The following KMT2E variants were observed in gnomAD, a reference collection of about 807,000 sequenced individuals.
KMT2E encodes the protein histone reader KMT2E.
KMT2E carries 30 observed loss-of-function variants against 184.6 expected under a neutral mutation model. That is an observed-to-expected ratio of 0.16 (90% CI 0.12 to 0.22). The LOEUF is 0.22. Ranked by LOEUF, KMT2E falls within the 10% of genes least tolerant of loss-of-function variation. The probability of loss-of-function intolerance (pLI) is 1.00; values close to 1 mark genes in which losing one functional copy is unlikely to be tolerated. For synonymous variants in KMT2E, 815 were observed against 776.5 expected (o/e 1.05, Z -0.82); for missense variants, 2,023 against 2,237.4 (o/e 0.90, Z 1.93).
At chr7:105,019,628 A>G (rs1468753186) in intron 1 of KMT2E, among the ~76,000 whole-genome samples, 1 of 152,206 alleles carries the variant, frequency 6.6e-6, no homozygotes, top group African/African-American at 2.4e-5. Flanking sequence ...AACTGTTTCA[A>G]ATATGAAATC....
chr7:105,062,155 TC>T lies in KMT2E; in HGVS notation c.72-3del, dbSNP rs750861444. ...TGGAATTCTCTTTGATGCAACTTTT[TC>T]CCCCCAGACCAGAATCCGTAGAAGC... On this transcript the variant is annotated splice_polypyrimidine_tract_variant and splice_region_variant and intron_variant, in intron 3 of 26. Transcript: ENST00000311117. 5 of 1,568,660 alleles carry T rather than the reference TC, an allele frequency of 3.2e-6. No homozygotes were observed. Among genetic ancestry groups the T allele is most frequent in the Admixed American group, 3.5e-5 (2 of 57,236 alleles).
At chr7:105,017,844 A>G (rs899777009) in intron 1 of KMT2E, among the ~76,000 whole-genome samples, 2 of 152,180 alleles carry the variant, frequency 1.3e-5, no homozygotes, top group Admixed American at 6.5e-5. Flanking sequence ...CTCTGATTCC[A>G]GTTTAAGTGT....
intron 1 of KMT2E, among the ~76,000 whole-genome samples, chr7:105,016,176 T>G (rs1447467604): frequency 6.6e-6 from 1 of 152,244 alleles, no homozygotes; most frequent in Non-Finnish European, 1.5e-5. Context: ...GTATTGTGTT[T>G]TAGCTTAAAT....
intron 11 of KMT2E, chr7:105,077,653 ATGTC>A: frequency 2.3e-6 from 1 of 441,212 alleles, no homozygotes; most frequent in Non-Finnish European, 4.0e-6. Flanking sequence ...TCTCTTGCTC[ATGTC>A]TGTCTTGCTG....
rs530180584 is a variant in KMT2E at position 105,056,570 on chromosome 7, C to T, written c.72-5594C>T. Reference sequence around the variant, plus strand: ...CCTATATGTTATTTGTAGTAAATTTCTTTTACTAGGGTGATAGGTTCTGTC... The same window carrying T: ...CCTATATGTTATTTGTAGTAAATTTTTTTTACTAGGGTGATAGGTTCTGTC... On this transcript the variant is annotated intron_variant, in intron 3 of 26. Transcript: ENST00000311117. Among the ~76,000 whole-genome samples, 28 of 152,214 alleles carry T rather than the reference C, an allele frequency of 1.8e-4. 1 individual carries two copies. In the South Asian group the frequency reaches 5.8e-3, roughly 32 times the overall value.
At chr7:105,103,776 A>ATG (rs902712752) in intron 17 of KMT2E, 4 of 149,872 alleles carry the variant, frequency 2.7e-5, no homozygotes, top group African/African-American at 9.9e-5. Context: ...GTGTGTATAT[A>ATG]TATATACATA....
chr7:105,101,809 A>G (rs1231470364), intron 16 of KMT2E, 77 bp from the exon 17 acceptor site: 1 of 1,210,964 alleles, frequency 8.3e-7, no homozygotes, highest in Non-Finnish European at 1.1e-6. Flanking sequence ...TGGCTTCTGA[A>G]GTAGAATAAT....
intron 1 of KMT2E, among the ~76,000 whole-genome samples, chr7:105,027,336 A>G (rs1298325443): frequency 6.6e-6 from 1 of 152,052 alleles, no homozygotes; most frequent in Non-Finnish European, 1.5e-5. Context: ...CAGTCCTCCC[A>G]CCTCAGCCTT....
At position 105,074,713 on chromosome 7, in the gene KMT2E, T is replaced by A; in HGVS notation, c.627T>A (p.Thr209=). ...PVELYTAFQH[T]PTSITLTASR... Reference sequence around the variant, plus strand: ...AATTATATACTGCATTTCAGCATACTCCAACATCAATTACTTTAACTGCTT... The same window carrying A: ...AATTATATACTGCATTTCAGCATACACCAACATCAATTACTTTAACTGCTT... The change falls in exon 8 of 27, where the codon ACT becomes ACA. Residue 209 remains threonine, a synonymous_variant. Transcript: ENST00000311117. 1 of 1,611,062 alleles carries A rather than the reference T, an allele frequency of 6.2e-7. No homozygotes were observed. The highest frequency in any genetic ancestry group is 8.5e-7 in the Non-Finnish European group (1 of 1,178,618).
In KMT2E at chr7:105,112,796, C is replaced by T. The variant is rs746854421; in HGVS notation, c.5040C>T (p.Pro1680=). ...CTGCTGGACACCACTTACCCCCACC[C>T]CCACCCCCTCCTGGTCCTGCCCCTC... ...SQTAGHHLPP[P]PPPPGPAPHH... The change falls in exon 27 of 27, where the codon CCC becomes CCT. Residue 1680 remains proline (P), a synonymous_variant. Coordinates refer to ENST00000311117, the MANE Select transcript of KMT2E (RefSeq NM_182931.3). 1.3e-6 allele frequency: 2 copies of T among 1,592,516 alleles called. No homozygotes were observed. Among genetic ancestry groups the T allele is most frequent in the African/African-American group, 1.4e-5 (1 of 71,716 alleles).
intron 17 of KMT2E, 30 bp from the exon 18 acceptor site, chr7:105,105,409 A>G (rs751078237): frequency 4.0e-6 from 6 of 1,516,796 alleles, no homozygotes; most frequent in Non-Finnish European, 5.3e-6. Flanking sequence ...AATTACATAT[A>G]TAATGATCCA....
At chr7:105,110,971 A>C in intron 26 of KMT2E, 103 bp downstream of exon 26, 2 of 774,644 alleles carry the variant, frequency 2.6e-6, no homozygotes, top group South Asian at 1.6e-5. Flanking sequence ...TCAAGTATCA[A>C]CTTGTGACTT....
At chr7:105,080,695 G>A (rs748024675) in intron 12 of KMT2E, among the ~76,000 whole-genome samples, 2 of 152,180 alleles carry the variant, frequency 1.3e-5, no homozygotes, top group East Asian at 3.8e-4. Flanking sequence ...AGTAGCGTTT[G>A]CTCAACCATT....
chr7:105,080,518 C>G (rs944421053), intron 12 of KMT2E, among the ~76,000 whole-genome samples: 1 of 151,852 alleles, frequency 6.6e-6, no homozygotes, highest in Non-Finnish European at 1.5e-5. Context: ...TATAGGCATG[C>G]GCTGCTGCAC....
intron 15 of KMT2E, among the ~76,000 whole-genome samples, chr7:105,095,533 A>G (rs1798369463): frequency 2.0e-5 from 3 of 152,214 alleles, no homozygotes; most frequent in Non-Finnish European, 4.4e-5. Context: ...TGTGGCCAAG[A>G]TGGAAGGCCT....
chr7:105,053,754 C>T (rs1487007185), intron 3 of KMT2E, among the ~76,000 whole-genome samples: 1 of 152,154 alleles, frequency 6.6e-6, no homozygotes, highest in Non-Finnish European at 1.5e-5. Flanking sequence ...TGGCTCATGA[C>T]TGTAATCTAC....
In KMT2E at chr7:105,109,098, G is replaced by A. The variant is rs1799052414; in HGVS notation, c.3625G>A (p.Val1209Met). ...CASSNDNGEQVDHTASLPLPT... is the reference protein window; with the variant it reads ...CASSNDNGEQMDHTASLPLPT... ...CAGCAGTAATGACAATGGGGAGCAG[G>A]TGGACCACACTGCTAGCCTACCTTT... Residue 1209 changes from valine to methionine, a missense_variant, in exon 23 of 27, where the codon GTG (valine) becomes ATG (methionine). Coordinates refer to ENST00000311117, the MANE Select transcript of KMT2E (RefSeq NM_182931.3). 2 of 1,614,058 alleles carry A rather than the reference G, an allele frequency of 1.2e-6. No homozygotes were observed. Among genetic ancestry groups the A allele is most frequent in the Admixed American group, 1.7e-5 (1 of 60,014 alleles).
chr7:105,060,351 T>C (rs1380686530), intron 3 of KMT2E, among the ~76,000 whole-genome samples: 1 of 152,112 alleles, frequency 6.6e-6, no homozygotes, highest in African/African-American at 2.4e-5. Context: ...ACAATGGTGG[T>C]CCCATAAGAT....
At chr7:105,015,351 T>C (rs1035237935) in intron 1 of KMT2E, among the ~76,000 whole-genome samples, 3 of 152,220 alleles carry the variant, frequency 2.0e-5, no homozygotes, top group African/African-American at 7.2e-5. Flanking sequence ...GAGTGCTCTC[T>C]TCTACTGGCC....
Sources: allele counts gnomAD v4.1 joint callset (sites outside exome capture counted in the v4.1 genomes callset), GRCh38; gene constraint gnomAD v4.1.1; transcripts MANE v1.5; gene names NCBI Gene and HGNC (gene_info 2026-07-23, HGNC 2026-07-21).